SAMD4A: variants seen among roughly 807,000 people sequenced by gnomAD.
SAMD4A encodes sterile alpha motif domain containing 4A.
In SAMD4A, 33 loss-of-function variants were observed where a neutral mutation model predicts 81.3. The ratio of observed to expected loss-of-function variants is 0.41; its 90% CI spans 0.31 to 0.54. The LOEUF is 0.54. Ranked by LOEUF, SAMD4A falls within the 20% of genes least tolerant of loss-of-function variation. SAMD4A has a pLI of 0.37. For synonymous variants in SAMD4A, 389 were observed against 382.1 expected, an observed-to-expected ratio of 1.02 and a Z score of -0.21; for missense variants, 854 against 951.1, an observed-to-expected ratio of 0.90 and a Z score of 1.34.
At chr14:54,583,826 G>A (rs2033542866) in intron 2 of SAMD4A, among the ~76,000 whole-genome samples, 1 of 152,248 alleles carries the variant, frequency 6.6e-6, no homozygotes, top group African/African-American at 2.4e-5. Context: ...TTGAAAAGGT[G>A]TGCAGACTGT....
intron 2 of SAMD4A, among the ~76,000 whole-genome samples, chr14:54,590,533 G>A (rs1040595963): frequency 1.3e-5 from 2 of 152,132 alleles, no homozygotes; most frequent in Admixed American, 6.5e-5. Context: ...GGTTATAAAA[G>A]GTGGGAAGAT....
At chr14:54,685,081 G>A (rs1423609077) in intron 2 of SAMD4A, among the ~76,000 whole-genome samples, 2 of 152,130 alleles carry the variant, frequency 1.3e-5, no homozygotes, top group African/African-American at 4.8e-5. Context: ...TGAAGGGAGA[G>A]TAGATTTATC....
At chr14:54,786,395 A>G (rs925334112) in intron 12 of SAMD4A, among the ~76,000 whole-genome samples, 7 of 152,262 alleles carry the variant, frequency 4.6e-5, no homozygotes, top group African/African-American at 1.4e-4. Flanking sequence ...AGCTTTGCAA[A>G]TATACTAAAA....
At chr14:54,695,032 T>C (rs2036542523) in intron 2 of SAMD4A, 1 of 507,318 alleles carries the variant, frequency 2.0e-6, no homozygotes, top group South Asian at 8.5e-5. Flanking sequence ...GACCTTCTGC[T>C]GTCAGAAAAG....
intron 2 of SAMD4A, among the ~76,000 whole-genome samples, chr14:54,569,823 T>C (rs188329023): frequency 5.9e-5 from 9 of 152,370 alleles, no homozygotes; most frequent in African/African-American, 2.2e-4. Context: ...TTTAGGTTAT[T>C]CAAATGTTGG....
chr14:54,677,414 A>G (rs955614443), intron 2 of SAMD4A, among the ~76,000 whole-genome samples: 1 of 152,202 alleles, frequency 6.6e-6, no homozygotes, highest in Non-Finnish European at 1.5e-5. Context: ...TAGTATTCTA[A>G]TGTGGTTTAT....
rs777792366 is a variant in SAMD4A at position 54,580,838 on chromosome 14, G to A, written c.196+12726G>A. On this transcript the variant is annotated intron_variant, in intron 2 of 12. Transcript: ENST00000554335. ...TCTAGCACATAGGTGATCTCAGAAC[G>A]TTTTCGTTGAAAGAGCGGATGAATG... 4.9e-4 allele frequency among the ~76,000 whole-genome samples: 74 copies of A among 152,292 alleles called. 1 individual carries two copies. Among genetic ancestry groups the A allele is most frequent in the African/African-American group, 1.5e-3 (63 of 41,550 alleles).
At chr14:54,611,171 CAA>C (rs2034343957) in intron 2 of SAMD4A, among the ~76,000 whole-genome samples, 2 of 152,102 alleles carry the variant, frequency 1.3e-5, no homozygotes, top group Admixed American at 1.3e-4. Flanking sequence ...CTAAAAAATT[CAA>C]AGATTAGTTA....
intron 4 of SAMD4A, among the ~76,000 whole-genome samples, chr14:54,739,018 T>G (rs1462581766): frequency 3.3e-5 from 5 of 151,682 alleles, no homozygotes; most frequent in African/African-American, 1.2e-4. Flanking sequence ...GGACACTTAT[T>G]CTTCTTCCTT....
intron 2 of SAMD4A, among the ~76,000 whole-genome samples, chr14:54,609,550 C>A (rs1191176517): frequency 6.6e-6 from 1 of 152,170 alleles, no homozygotes; most frequent in East Asian, 1.9e-4. Flanking sequence ...CTGATGGTCA[C>A]CTTGTGAAGA....
At chr14:54,599,992 CA>C (rs2034012739) in intron 2 of SAMD4A, among the ~76,000 whole-genome samples, 1 of 152,174 alleles carries the variant, frequency 6.6e-6, no homozygotes, top group Non-Finnish European at 1.5e-5. Flanking sequence ...TGTATACACC[CA>C]GATCATTAAT....
intron 3 of SAMD4A, among the ~76,000 whole-genome samples, chr14:54,705,128 A>G (rs1025866347): frequency 2.0e-5 from 3 of 152,236 alleles, no homozygotes; most frequent in Non-Finnish European, 4.4e-5. Flanking sequence ...AAATAAGATT[A>G]TGTAAATGCC....
chr14:54,655,370 G>A (rs143208408), intron 2 of SAMD4A, among the ~76,000 whole-genome samples: 48 of 152,276 alleles, frequency 3.2e-4, no homozygotes, highest in African/African-American at 1.1e-3. Context: ...AGTTAAGGAA[G>A]AGCCCATTCT....
At chr14:54,771,237 A>G (rs1029556015) in intron 9 of SAMD4A, among the ~76,000 whole-genome samples, 11 of 152,250 alleles carry the variant, frequency 7.2e-5, no homozygotes, top group African/African-American at 2.2e-4. Flanking sequence ...TTATTAAACA[A>G]ACATTTATTT....
chr14:54,777,675 G>C (rs1015977921), intron 11 of SAMD4A, among the ~76,000 whole-genome samples: 2 of 151,868 alleles, frequency 1.3e-5, no homozygotes, highest in Non-Finnish European at 2.9e-5. Context: ...ATGATGGGGT[G>C]GGGGGGTAGG....
intron 2 of SAMD4A, among the ~76,000 whole-genome samples, chr14:54,677,949 TATCA>T (rs2036027895): frequency 6.6e-6 from 1 of 152,210 alleles, no homozygotes; most frequent in Non-Finnish European, 1.5e-5. Flanking sequence ...TCTGTCTGTC[TATCA>T]ATCGTAAAGG....
At chr14:54,661,801 C>G (rs2035648209) in intron 2 of SAMD4A, among the ~76,000 whole-genome samples, 1 of 152,222 alleles carries the variant, frequency 6.6e-6, no homozygotes, top group Admixed American at 6.5e-5. Context: ...TGAAGCATCT[C>G]TGTTCTGAGG....
At position 54,791,572 on chromosome 14, in the gene SAMD4A, ATTC is replaced by A. The variant is rs1012098231; in HGVS notation, c.*2631_*2633del. ...AAAGTCTGTTATTAATAACAACATA[ATTC>A]TTTTTTTAAAGAAGAAAAGCTTATT... is the stretch of plus-strand genomic sequence containing the variant. On this transcript the variant is annotated 3_prime_UTR_variant, in exon 13 of 13. Transcript: ENST00000554335. 25 of 152,170 alleles carry A rather than the reference ATTC, an allele frequency of 1.6e-4. No homozygotes were observed. The highest frequency in any genetic ancestry group is 4.6e-4 in the Admixed American group (7 of 15,176). 9.4% of individuals were successfully genotyped at this position (152,170 alleles called of 1,614,324 possible).
In SAMD4A at chr14:54,567,887, G is replaced by T. The variant is rs767247171; in HGVS notation, c.-30G>T. On this transcript the variant is annotated 5_prime_UTR_variant, in exon 2 of 13. Coordinates refer to ENST00000554335, the MANE Select transcript of SAMD4A (RefSeq NM_015589.6). ...CGGGGCGGGCTGGGGCGCCCAGGGG[G>T]CTCTGTAGACCGAGGGCGGCCCCCT... 3 of 1,591,798 alleles carry T rather than the reference G, an allele frequency of 1.9e-6. No homozygotes were observed. The highest frequency in any genetic ancestry group is 2.3e-5 in the East Asian group (1 of 43,618).
Sources: gnomAD v4.1 joint callset for allele counts (sites outside exome capture counted in the v4.1 genomes callset) on GRCh38, gnomAD v4.1.1 for gene constraint, MANE v1.5 for transcripts, NCBI Gene and HGNC (gene_info 2026-07-23, HGNC 2026-07-21) for gene names.